C6orf62: variants seen among roughly 807,000 people sequenced by gnomAD.
C6orf62 encodes uncharacterized protein C6orf62.
In C6orf62, 16 loss-of-function variants were observed where a neutral mutation model predicts 26.8. The observed-to-expected ratio is 0.60, with a 90% CI of 0.40 to 0.91. The LOEUF is 0.91. C6orf62 is among the 40% of genes least tolerant of loss of function. The probability of loss-of-function intolerance (pLI) is 0.00; values close to 1 mark genes in which losing one functional copy is unlikely to be tolerated. For missense variants in C6orf62, 192 were observed against 271.4 expected (o/e 0.71, Z 2.06); for synonymous variants, 112 against 91.5 (o/e 1.22, Z -1.28).
chr6:24,720,273 CGGCGGCGGAAGA>C, upstream of C6orf62: 3 of 1,288,178 alleles, frequency 2.3e-6, no homozygotes, highest in African/African-American at 1.6e-5. Context: ...GGAGCGGTGG[CGGCGGCGGAAGA>C]GGCGGCGGCG....
intron 2 of C6orf62, 53 bp from the exon 3 acceptor site, chr6:24,714,493 A>T: frequency 7.3e-7 from 1 of 1,372,700 alleles, no homozygotes; most frequent in Non-Finnish European, 9.9e-7. Flanking sequence ...CAGCTACATC[A>T]AGCCATGTCA....
rs759971753 is a variant in C6orf62, at chr6:24,705,528, G to C, written c.*609C>G. The C allele has an allele frequency of 6.6e-6, 1 of 152,508 alleles. No individual in the cohort carries two copies. Among genetic ancestry groups the C allele is most frequent in the Non-Finnish European group, 1.5e-5 (1 of 68,028 alleles). 9.4% of individuals were successfully genotyped at this position (152,508 alleles called of 1,614,324 possible). On this transcript the variant is annotated 3_prime_UTR_variant, in exon 5 of 5. Transcript: ENST00000378119. Reference sequence around the variant, plus strand: ...AGATCTGGAAAAAAAAAATACATGAGTACCAGGAAACAAACATGGCCCAGT... The same window carrying C: ...AGATCTGGAAAAAAAAAATACATGACTACCAGGAAACAAACATGGCCCAGT...
intron 4 of C6orf62, chr6:24,707,041 TTCA>T (rs1779023825): frequency 6.6e-6 from 1 of 152,214 alleles, no homozygotes; most frequent in Admixed American, 6.5e-5. Flanking sequence ...AATTACAAAG[TTCA>T]TCTTTTCTTC....
At chr6:24,715,218 T>C (rs1238884262) in intron 2 of C6orf62, among the ~76,000 whole-genome samples, 1 of 152,258 alleles carries the variant, frequency 6.6e-6, no homozygotes, top group Middle Eastern at 3.2e-3. Context: ...ATATTAATTT[T>C]TGAAGGTCCA....
chr6:24,719,881 A>G, upstream of C6orf62: 2 of 1,513,968 alleles, frequency 1.3e-6, no homozygotes, highest in Non-Finnish European at 1.8e-6. Flanking sequence ...GAGACACAGG[A>G]TCACTCAGGT....
chr6:24,718,422 A>G, intron 1 of C6orf62, 118 bp downstream of exon 1: 1 of 1,044,402 alleles, frequency 9.6e-7, no homozygotes, highest in Non-Finnish European at 1.4e-6. Context: ...AGAGCATACA[A>G]AGCAGACTTT....
At chr6:24,719,785 G>T, upstream of C6orf62, 1 of 1,546,618 alleles carries the variant, frequency 6.5e-7, no homozygotes, top group East Asian at 2.5e-5. Flanking sequence ...AATCCCAGGC[G>T]GTGCCCGGAG....
chr6:24,715,340 A>G (rs529753110), intron 2 of C6orf62, among the ~76,000 whole-genome samples: 1 of 152,332 alleles, frequency 6.6e-6, no homozygotes, highest in African/African-American at 2.4e-5. Context: ...GCAGAAGTTT[A>G]CAAAGCTGGA....
At chr6:24,720,087 G>A (rs1380625964), upstream of C6orf62, 8 of 1,272,308 alleles carry the variant, frequency 6.3e-6, no homozygotes, top group African/African-American at 1.8e-5. Flanking sequence ...CATGTTTCCA[G>A]AGTTTGGATT....
intron 3 of C6orf62, among the ~76,000 whole-genome samples, chr6:24,713,958 T>C (rs372840934): frequency 6.6e-6 from 1 of 152,220 alleles, no homozygotes; most frequent in East Asian, 1.9e-4. Context: ...CAGATCACAT[T>C]CCTTTGGGAA....
intron 1 of C6orf62, among the ~76,000 whole-genome samples, chr6:24,716,704 A>G (rs1386235436): frequency 6.6e-6 from 1 of 152,110 alleles, no homozygotes; most frequent in Non-Finnish European, 1.5e-5. Flanking sequence ...TACATTATCA[A>G]AACCATCAAT....
rs566249659 is a variant in C6orf62, at chr6:24,707,663, T to C, written c.564+1114A>G. On this transcript the variant is annotated intron_variant, in intron 4 of 4. Transcript: ENST00000378119. ...ACTGTGCCCAAATGGAAGTGCTTATTTGAAATAAATGTGGATCTTTTAAAT... is the reference window on the plus strand; with the variant it reads ...ACTGTGCCCAAATGGAAGTGCTTATCTGAAATAAATGTGGATCTTTTAAAT... Among the ~76,000 whole-genome samples, 17 of 152,138 alleles carry C rather than the reference T, an allele frequency of 1.1e-4. No individual in the cohort carries two copies. In the East Asian group the frequency reaches 2.5e-3, roughly 22 times the overall value.
chr6:24,714,395 G>A lies in C6orf62; in HGVS notation c.352C>T (p.Arg118Trp). The change falls in exon 3 of 5, where the codon CGG (arginine) becomes TGG (tryptophan). Residue 118 changes from arginine to tryptophan, a missense_variant. Coordinates refer to ENST00000378119, the MANE Select transcript of C6orf62 (RefSeq NM_030939.5). Reference protein sequence around the residue: ...TQEMDFILWPRNDIEKIVCLL... With the variant: ...TQEMDFILWPWNDIEKIVCLL... The stretch of plus-strand genomic sequence containing the variant: ...CAGACGATTTTTTCAATATCATTCC[G>A]AGGCCAAAGAATGAAATCCATCTCC... 2 of 1,600,594 alleles carry A rather than the reference G, an allele frequency of 1.2e-6. No individual in the cohort carries two copies. The highest frequency in any genetic ancestry group is 1.7e-5 in the Admixed American group (1 of 59,000).
In C6orf62 at chr6:24,718,585, G is replaced by A. The variant is rs949061105; in HGVS notation, c.84C>T (p.Asp28=). ...QLRKKKESLA[D]QFDFKMYIAF... The stretch of plus-strand genomic sequence containing the variant: ...CAATATACATCTTGAAGTCAAACTG[G>A]TCAGCTAGAGATTCTTTTTTCTTTC... Residue 28 remains aspartate (D), a synonymous_variant, in exon 1 of 5, where the codon GAC becomes GAT. Transcript: ENST00000378119. 5.6e-6 allele frequency: 9 copies of A among 1,613,686 alleles called. No individual in the cohort carries two copies. The highest frequency in any genetic ancestry group is 7.6e-6 in the Non-Finnish European group (9 of 1,179,808).
Position 24,706,079 on chromosome 6 carries a change from A to G in C6orf62, c.*58T>C, listed in dbSNP as rs1264584143. On this transcript the variant is annotated 3_prime_UTR_variant, in exon 5 of 5. Coordinates refer to ENST00000378119, the MANE Select transcript of C6orf62 (RefSeq NM_030939.5). ...TCTGAAAGAATAAAGTGGTAAGAAA[A>G]CAAGAAAAAAAACTGCTGCTGCATT... is the stretch of plus-strand genomic sequence containing the variant. 7 of 1,593,296 alleles carry G rather than the reference A, an allele frequency of 4.4e-6. No homozygotes were observed. Among genetic ancestry groups the G allele is most frequent in the African/African-American group, 4.0e-5 (3 of 74,316 alleles).
chr6:24,708,843 C>A lies in C6orf62; in HGVS notation c.498G>T (p.Lys166Asn). Reference sequence around the variant, plus strand: ...TAGGATTGTTGACAACGATTCCAGTCTTGTCCTTGCGGCTCAGTACATGCA... The same window carrying A: ...TAGGATTGTTGACAACGATTCCAGTATTGTCCTTGCGGCTCAGTACATGCA... The part of the protein sequence containing the change: ...QFLHVLSRKD[K>N]TGIVVNNPNQ... Residue 166 changes from lysine to asparagine, a missense_variant, in exon 4 of 5, where the codon AAG (lysine) becomes AAT (asparagine). Coordinates refer to ENST00000378119, the MANE Select transcript of C6orf62 (RefSeq NM_030939.5). The A allele has an allele frequency of 6.2e-7, 1 of 1,614,182 alleles. No homozygotes were observed. The highest frequency in any genetic ancestry group is 8.5e-7 in the Non-Finnish European group (1 of 1,180,034).
At chr6:24,714,679 A>C (rs1211908089) in intron 2 of C6orf62, among the ~76,000 whole-genome samples, 3 of 152,176 alleles carry the variant, frequency 2.0e-5, no homozygotes, top group African/African-American at 7.2e-5. Context: ...GCAATGGTGC[A>C]ATCTCCGCTT....
chr6:24,718,503 T>C (rs1049381991), intron 1 of C6orf62, 37 bp downstream of exon 1: 3 of 1,546,092 alleles, frequency 1.9e-6, no homozygotes, highest in Admixed American at 1.9e-5. Context: ...TTACAAAAAT[T>C]ACTTGTGCTA....
intron 1 of C6orf62, among the ~76,000 whole-genome samples, chr6:24,717,668 G>A (rs1779260733): frequency 6.6e-6 from 1 of 152,064 alleles, no homozygotes; most frequent in Non-Finnish European, 1.5e-5. Context: ...GGGGAAACCT[G>A]GAAAACTTCC....
Sources: gnomAD v4.1 joint callset for allele counts (sites outside exome capture counted in the v4.1 genomes callset) on GRCh38, gnomAD v4.1.1 for gene constraint, MANE v1.5 for transcripts, NCBI Gene and HGNC (gene_info 2026-07-23, HGNC 2026-07-21) for gene names.